The following ADGRF5 variants were observed in gnomAD, a reference collection of about 807,000 sequenced individuals.
ADGRF5 encodes G-protein coupled receptor 116.
Under a neutral mutation model 132.3 loss-of-function variants are expected in ADGRF5, and 75 were observed. The observed-to-expected ratio is 0.57, with a 90% CI of 0.47 to 0.69. The LOEUF is 0.69. Among genes scored for constraint, ADGRF5 ranks in the 30% least tolerant of loss-of-function variants. The pLI, the probability that ADGRF5 is intolerant of heterozygous loss-of-function variation, is 0.00. For missense variants in ADGRF5, 1,516 were observed against 1,630.6 expected (o/e 0.93, Z 1.21); for synonymous variants, 629 against 597.6 (o/e 1.05, Z -0.77).
intron 3 of ADGRF5, among the ~76,000 whole-genome samples, chr6:46,889,566 GTGTA>G (rs58764656): frequency 0.35 from 41,950 of 119,822 alleles, 7,858 homozygotes; most frequent in East Asian, 0.47. Context: ...GTGTGTGTGT[GTGTA>G]TATATATATA....
At chr6:46,945,305 G>A (rs187774742) in intron 1 of ADGRF5, among the ~76,000 whole-genome samples, 134 of 152,312 alleles carry the variant, frequency 8.8e-4, no homozygotes, top group Non-Finnish European at 1.5e-3. Flanking sequence ...CTATATGTGA[G>A]TGCTTTAAAG....
chr6:46,916,512 C>T (rs1388352609), intron 1 of ADGRF5, among the ~76,000 whole-genome samples: 2 of 152,172 alleles, frequency 1.3e-5, no homozygotes, highest in East Asian at 1.9e-4. Flanking sequence ...AGCCCCTCAT[C>T]GGTTTGGATA....
intron 11 of ADGRF5, among the ~76,000 whole-genome samples, chr6:46,871,534 G>A (rs1771059062): frequency 6.6e-6 from 1 of 152,054 alleles, no homozygotes; most frequent in East Asian, 1.9e-4. Flanking sequence ...AATGATAATA[G>A]GGATAACCTG....
In ADGRF5 at chr6:46,854,017, G is replaced by A. The variant is rs763001357; in HGVS notation, c.4016C>T (p.Ser1339Phe). 3 of 1,605,754 alleles carry A rather than the reference G, an allele frequency of 1.9e-6. No homozygotes were observed. The African/African-American group carries it at 4.0e-5, about 22-fold the overall frequency. Residue 1339 changes from serine to phenylalanine, a missense_variant, in exon 21 of 21, where the codon TCC becomes TTC. Ser to Phe is a radical substitution (Grantham distance 155). Coordinates refer to ENST00000283296, the MANE Select transcript of ADGRF5 (RefSeq NM_001098518.2). ...TTAGTTGAGCAACGAAGAAGCACTGGATGAGTTTTCCAGGGATGAGCTGGT... is the reference window on the plus strand; with the variant it reads ...TTAGTTGAGCAACGAAGAAGCACTGAATGAGTTTTCCAGGGATGAGCTGGT... ...EATSSSLENS[S>F]SASSLLN
chr6:46,884,768 C>T (rs1174056555), intron 4 of ADGRF5, among the ~76,000 whole-genome samples: 2 of 152,206 alleles, frequency 1.3e-5, no homozygotes, highest in Non-Finnish European at 2.9e-5. Flanking sequence ...CTTTCTCTTT[C>T]TCCCCTCACT....
intron 13 of ADGRF5, among the ~76,000 whole-genome samples, chr6:46,866,156 T>G (rs1010151897): frequency 6.6e-6 from 1 of 152,276 alleles, no homozygotes; most frequent in East Asian, 1.9e-4. Context: ...ACTTTAAACT[T>G]AGGTTGGCAC....
intron 1 of ADGRF5, among the ~76,000 whole-genome samples, chr6:46,912,714 C>T (rs1448016967): frequency 6.6e-6 from 1 of 152,132 alleles, no homozygotes; most frequent in Admixed American, 6.6e-5. Context: ...ATCAGGCTGG[C>T]AGGAACAGGG....
chr6:46,900,740 A>G (rs1774675507), intron 2 of ADGRF5, among the ~76,000 whole-genome samples: 1 of 152,164 alleles, frequency 6.6e-6, no homozygotes, highest in African/African-American at 2.4e-5. Context: ...TTCCTGTAAA[A>G]TGAGAATAAT....
At chr6:46,923,444 G>A (rs560746591), upstream of ADGRF5, among the ~76,000 whole-genome samples, 13 of 152,258 alleles carry the variant, frequency 8.5e-5, no homozygotes, top group African/African-American at 2.9e-4. Context: ...CAGGACTTAG[G>A]CTTGAGACCA....
chr6:46,932,424 T>C (rs577407865), intron 1 of ADGRF5, among the ~76,000 whole-genome samples: 2 of 152,332 alleles, frequency 1.3e-5, no homozygotes, highest in East Asian at 3.9e-4. Flanking sequence ...TGGTAGGATA[T>C]ATACTGTTAG....
At chr6:46,905,826 A>C (rs181930035) in intron 2 of ADGRF5, among the ~76,000 whole-genome samples, 151 of 152,334 alleles carry the variant, frequency 9.9e-4, no homozygotes, top group African/African-American at 3.5e-3. Context: ...CAATAACAGC[A>C]AACAGTCACA....
chr6:46,954,026 A>G (rs551102205), intron 1 of ADGRF5, among the ~76,000 whole-genome samples: 71 of 152,126 alleles, frequency 4.7e-4, no homozygotes, highest in African/African-American at 1.6e-3. Context: ...AGTCTCAGTG[A>G]CCTATCATCT....
intron 1 of ADGRF5, among the ~76,000 whole-genome samples, chr6:46,935,401 C>A (rs1054331570): frequency 2.6e-5 from 4 of 152,180 alleles, no homozygotes; most frequent in African/African-American, 9.6e-5. Flanking sequence ...GAAACCCCCA[C>A]CACTCCACCC....
chr6:46,853,971 G>C lies in ADGRF5; in HGVS notation c.*21C>G, dbSNP rs373405244. 3 of 1,547,612 alleles carry C rather than the reference G, an allele frequency of 1.9e-6. No homozygotes were observed. The African/African-American group carries it at 4.1e-5, about 21-fold the overall frequency. On this transcript the variant is annotated 3_prime_UTR_variant, in exon 21 of 21. Coordinates refer to ENST00000283296, the MANE Select transcript of ADGRF5 (RefSeq NM_001098518.2). ...ACAGCCACTGTCCCCGGGAGGTCACGTAGGTTGGATTATCCTGTTCTTAGT... is the reference window on the plus strand; with the variant it reads ...ACAGCCACTGTCCCCGGGAGGTCACCTAGGTTGGATTATCCTGTTCTTAGT...
In ADGRF5 at chr6:46,872,043, C is replaced by CAGCTGGCT. The variant is rs778426647; in HGVS notation, c.1241-38_1241-31dup. 7 of 1,535,274 alleles carry CAGCTGGCT rather than the reference C, an allele frequency of 4.6e-6. No individual in the cohort carries two copies. The South Asian group carries it at 8.4e-5, about 18-fold the overall frequency. ...AATGAGAAGCAAATTGTTGCCATCC[C>CAGCTGGCT]AGCTGGCTAACTCTTTTATTTAGTA... On this transcript the variant is annotated intron_variant, in intron 10 of 20. Transcript: ENST00000283296.
chr6:46,935,926 G>T (rs1036731673), intron 1 of ADGRF5, among the ~76,000 whole-genome samples: 1 of 152,194 alleles, frequency 6.6e-6, no homozygotes, highest in African/African-American at 2.4e-5. Context: ...GCGTCCTCCG[G>T]AATGAGGTGT....
intron 1 of ADGRF5, among the ~76,000 whole-genome samples, chr6:46,937,715 C>A (rs1777901319): frequency 6.6e-6 from 1 of 152,158 alleles, no homozygotes; most frequent in Admixed American, 6.5e-5. Context: ...CATCACTAAT[C>A]TTGTGCTTTG....
chr6:46,891,971 T>G (rs1773689611), intron 3 of ADGRF5, among the ~76,000 whole-genome samples: 1 of 152,186 alleles, frequency 6.6e-6, no homozygotes, highest in African/African-American at 2.4e-5. Flanking sequence ...CTGTAGAAAC[T>G]GATATGGATG....
intron 16 of ADGRF5, among the ~76,000 whole-genome samples, chr6:46,860,078 G>T (rs1030734100): frequency 3.9e-5 from 6 of 152,126 alleles, no homozygotes; most frequent in African/African-American, 1.2e-4. Context: ...CTGAGCACAT[G>T]TCTGGTTATA....
Sources: gnomAD v4.1 joint callset for allele counts (sites outside exome capture counted in the v4.1 genomes callset) on GRCh38, gnomAD v4.1.1 for gene constraint, MANE v1.5 for transcripts, NCBI Gene and HGNC (gene_info 2026-07-23, HGNC 2026-07-21) for gene names.